COX15: variants seen among roughly 807,000 people sequenced by gnomAD.
COX15 encodes the protein heme A synthase COX15.
COX15 carries 51 observed loss-of-function variants against 51.9 expected under a neutral mutation model. That is an observed-to-expected ratio of 0.98 (90% CI 0.78 to 1.24). The LOEUF (loss-of-function observed/expected upper bound fraction) is 1.24. Among genes scored for constraint, COX15 ranks in the 50% most tolerant of loss-of-function variants. The probability of loss-of-function intolerance (pLI) is 0.00; values close to 1 mark genes in which losing one functional copy is unlikely to be tolerated. For missense variants in COX15, 420 were observed against 501.1 expected, an observed-to-expected ratio of 0.84 and a Z score of 1.55; for synonymous variants, 188 against 190.5, an observed-to-expected ratio of 0.99 and a Z score of 0.11.
downstream of COX15, chr10:99,706,263 G>C (rs562903697): frequency 6.6e-6 from 1 of 151,316 alleles, no homozygotes; most frequent in African/African-American, 2.4e-5. Context: ...TTGGTTGGTA[G>C]ATAAAAAGAT....
At chr10:99,731,289 C>A (rs2037135203) in intron 1 of COX15, among the ~76,000 whole-genome samples, 1 of 152,160 alleles carries the variant, frequency 6.6e-6, no homozygotes, top group South Asian at 2.1e-4. Context: ...CTCCCTTCTG[C>A]TAGCTTTGTT....
At chr10:99,701,462 AT>A in the COX15 span, among the ~76,000 whole-genome samples, 6 of 151,174 alleles carry the variant, frequency 4.0e-5, no homozygotes, top group Admixed American at 3.9e-4. Flanking sequence ...CAATTTTTGT[AT>A]TTTTTTGTAG....
chr10:99,698,920 C>G, the COX15 span: 4 of 1,474,614 alleles, frequency 2.7e-6, no homozygotes, highest in Non-Finnish European at 3.7e-6. Flanking sequence ...ATGCCTCACT[C>G]TGTGCCAGGT....
intron 5 of COX15, among the ~76,000 whole-genome samples, chr10:99,721,484 T>C (rs1167313591): frequency 6.6e-6 from 1 of 152,232 alleles, no homozygotes; most frequent in African/African-American, 2.4e-5. Context: ...TTAGCAAATA[T>C]AGTCAGAATC....
intron 8 of COX15, 71 bp downstream of exon 8, chr10:99,716,277 G>T: frequency 9.3e-7 from 1 of 1,079,190 alleles, no homozygotes; most frequent in Non-Finnish European, 1.4e-6. Flanking sequence ...ACAGCCATGA[G>T]CCACTGTGCC....
At chr10:99,704,367 C>A in the COX15 span, 1 of 1,306,128 alleles carries the variant, frequency 7.7e-7, no homozygotes, top group South Asian at 1.2e-5. Flanking sequence ...AATGTGATAA[C>A]ACTACTGGGC....
chr10:99,704,618 G>C, the COX15 span: 1 of 1,614,142 alleles, frequency 6.2e-7, no homozygotes, highest in Non-Finnish European at 8.5e-7. Context: ...ACGAGCCTCA[G>C]CTCCATTGGA....
rs1017365012 is a variant in COX15, at chr10:99,726,595, T to C, written c.582+373A>G. Among the ~76,000 whole-genome samples, 4 of 152,086 alleles carry C rather than the reference T, an allele frequency of 2.6e-5. No homozygotes were observed. In the South Asian group the frequency reaches 6.2e-4, roughly 24 times the overall value. On this transcript the variant is annotated intron_variant, in intron 4 of 8. Transcript: ENST00000016171. Reference sequence around the variant, plus strand: ...TCAGAGATTATTTCCTTAAAAAGAATGCCAACTAGGGGCCGGGCGCAGTGG... The same window carrying C: ...TCAGAGATTATTTCCTTAAAAAGAACGCCAACTAGGGGCCGGGCGCAGTGG...
chr10:99,713,465 G>C lies in COX15; in HGVS notation c.*1122C>G, dbSNP rs142892403. 1.5e-4 allele frequency: 236 copies of C among 1,613,306 alleles called. 1 individual carries two copies. The highest frequency in any genetic ancestry group is 1.9e-4 in the Non-Finnish European group (229 of 1,179,842). The stretch of plus-strand genomic sequence containing the variant: ...AATCACTGATTTTAAAAGTAAAGTT[G>C]AATAAGACAGGGCCCTATGAAATAT... On this transcript the variant is annotated 3_prime_UTR_variant, in exon 9 of 9. Transcript: ENST00000016171.
At chr10:99,707,486 C>A (rs893011814), downstream of COX15, among the ~76,000 whole-genome samples, 19 of 152,176 alleles carry the variant, frequency 1.2e-4, no homozygotes, top group African/African-American at 4.6e-4. Flanking sequence ...TCTTGCCATA[C>A]CCTTTGGTTT....
chr10:99,718,756 TGTG>T lies in COX15; in HGVS notation c.833-259_833-257del, dbSNP rs923126365. On this transcript the variant is annotated intron_variant, in intron 6 of 8. Coordinates refer to ENST00000016171, the MANE Select transcript of COX15 (RefSeq NM_078470.6). ...TAGAGAAGTGGAGTAGAGGCTGTGG[TGTG>T]GGGGGAGGGGGAGAGGCTTATTAGC... Among the ~76,000 whole-genome samples the T allele has an allele frequency of 1.5e-4, 23 of 152,256 alleles. 1 individual carries two copies. The highest frequency in any genetic ancestry group is 5.2e-4 in the Admixed American group (8 of 15,296).
chr10:99,713,150 T>TA lies in COX15; in HGVS notation c.*1436dup. On this transcript the variant is annotated 3_prime_UTR_variant, in exon 9 of 9. Coordinates refer to ENST00000016171, the MANE Select transcript of COX15 (RefSeq NM_078470.6). ...CTACTGATAAAACCTGAAGTACCAC[T>TA]AATTTTTCTGTTATCATATAATAAC... is the stretch of plus-strand genomic sequence containing the variant. 1 of 1,328,076 alleles carries TA rather than the reference T, an allele frequency of 7.5e-7. No individual in the cohort carries two copies. The highest frequency in any genetic ancestry group is 9.7e-7 in the Non-Finnish European group (1 of 1,034,526). 82.3% of individuals were successfully genotyped at this position (1,328,076 alleles called of 1,614,324 possible). A position where few individuals can be genotyped will look rare whatever the true frequency, so the allele number is the denominator to read the frequency against.
chr10:99,726,256 A>G (rs993784111), intron 4 of COX15, among the ~76,000 whole-genome samples: 1 of 152,202 alleles, frequency 6.6e-6, no homozygotes, highest in Admixed American at 6.5e-5. Flanking sequence ...TATAGCAGAC[A>G]AGTTAGAAAA....
In COX15 at chr10:99,713,085, G is replaced by A; in HGVS notation, c.*1502C>T. On this transcript the variant is annotated 3_prime_UTR_variant, in exon 9 of 9. Coordinates refer to ENST00000016171, the MANE Select transcript of COX15 (RefSeq NM_078470.6). ...TTAAATTTGGTACCCAGAGTGAAAT[G>A]CAGTATGTTAGGGGTATTTTGACTA... 1 of 1,205,406 alleles carries A rather than the reference G, an allele frequency of 8.3e-7. No individual in the cohort carries two copies. The highest frequency in any genetic ancestry group is 1.0e-6 in the Non-Finnish European group (1 of 960,102). The allele number at this position is 1,205,406 out of a possible 1,614,324, so 74.7% of individuals were successfully genotyped here.
intron 5 of COX15, among the ~76,000 whole-genome samples, chr10:99,722,716 C>T (rs1414588073): frequency 3.9e-5 from 6 of 151,978 alleles, no homozygotes; most frequent in Non-Finnish European, 5.9e-5. Context: ...CGCCTGTAGT[C>T]CCAGCTACTC....
At chr10:99,718,739 T>G (rs2036656039) in intron 6 of COX15, among the ~76,000 whole-genome samples, 1 of 152,072 alleles carries the variant, frequency 6.6e-6, no homozygotes, top group Non-Finnish European at 1.5e-5. Flanking sequence ...TCTAGAGAAG[T>G]GGAGTAGAGG....
rs1421847943 is a variant in COX15, at chr10:99,727,051, C to T, written c.499G>A (p.Ala167Thr). 2 of 1,614,208 alleles carry T rather than the reference C, an allele frequency of 1.2e-6. No homozygotes were observed. The highest frequency in any genetic ancestry group is 1.7e-6 in the Non-Finnish European group (2 of 1,180,052). The stretch of plus-strand genomic sequence containing the variant: ...CAGCCCTTTCTCCAAAAGTAGGCAG[C>T]AGGCAGGATGTACACAAGGCCTACA... Reference protein sequence around the residue: ...RLVGLVYILPAAYFWRKGWLS... With the variant: ...RLVGLVYILPTAYFWRKGWLS... Residue 167 changes from alanine (A) to threonine (T), a missense_variant, in exon 4 of 9, where the codon GCT (alanine) becomes ACT (threonine). By Grantham distance (58) the Ala-to-Thr change is moderately conservative. Transcript: ENST00000016171.
At chr10:99,721,588 T>A (rs941192379) in intron 5 of COX15, among the ~76,000 whole-genome samples, 1 of 152,200 alleles carries the variant, frequency 6.6e-6, no homozygotes, top group Non-Finnish European at 1.5e-5. Flanking sequence ...CTAATACTAA[T>A]AAGTGAATCA....
chr10:99,712,537 C>T lies in COX15; in HGVS notation c.*2050G>A. On this transcript the variant is annotated 3_prime_UTR_variant, in exon 9 of 9. Coordinates refer to ENST00000016171, the MANE Select transcript of COX15 (RefSeq NM_078470.6). ...TGTAAATGAGGTCAAGGATGAAATC[C>T]AGATGTTCTTCCTTTGTATTTGTAT... 1 of 985,266 alleles carries T rather than the reference C, an allele frequency of 1.0e-6. No homozygotes were observed. The highest frequency in any genetic ancestry group is 1.2e-6 in the Non-Finnish European group (1 of 829,830). The allele number at this position is 985,266 out of a possible 1,614,324, so 61.0% of individuals were successfully genotyped here. A position where few individuals can be genotyped will look rare whatever the true frequency, so the allele number is the denominator to read the frequency against.
Sources: allele counts gnomAD v4.1 joint callset (sites outside exome capture counted in the v4.1 genomes callset), GRCh38; gene constraint gnomAD v4.1.1; transcripts MANE v1.5; gene names NCBI Gene and HGNC (gene_info 2026-07-23, HGNC 2026-07-21).